SLC4A10: variants seen among roughly 807,000 people sequenced by gnomAD.
The protein encoded by SLC4A10 is sodium-driven chloride bicarbonate exchanger.
Under a neutral mutation model 137.7 loss-of-function variants are expected in SLC4A10, and 42 were observed. That is an observed-to-expected ratio of 0.30 (90% CI 0.24 to 0.39). The LOEUF is 0.39. Ranked by LOEUF, SLC4A10 falls within the 10% of genes least tolerant of loss-of-function variation. The pLI, the probability that SLC4A10 is intolerant of heterozygous loss-of-function variation, is 1.00. For synonymous variants in SLC4A10, 474 were observed against 464.1 expected (o/e 1.02, Z -0.27); for missense variants, 925 against 1,355.0 (o/e 0.68, Z 4.98).
intron 1 of SLC4A10, among the ~76,000 whole-genome samples, chr2:161,730,865 C>T (rs1240411977): frequency 6.6e-6 from 1 of 152,134 alleles, no homozygotes; most frequent in Non-Finnish European, 1.5e-5. Flanking sequence ...TGGTAAAGAG[C>T]TCTGAAGTTA....
At chr2:161,653,303 A>G (rs1344918672) in intron 1 of SLC4A10, among the ~76,000 whole-genome samples, 1 of 152,224 alleles carries the variant, frequency 6.6e-6, no homozygotes, top group Non-Finnish European at 1.5e-5. Context: ...CAGTGCTGCA[A>G]TAAACATAGT....
At chr2:161,811,516 T>C (rs1047971851) in intron 3 of SLC4A10, among the ~76,000 whole-genome samples, 8 of 152,188 alleles carry the variant, frequency 5.3e-5, no homozygotes, top group African/African-American at 1.9e-4. Flanking sequence ...GTAACCATTA[T>C]GAAGTTATGA....
At chr2:161,649,390 T>C (rs1051668522) in intron 1 of SLC4A10, among the ~76,000 whole-genome samples, 4 of 152,200 alleles carry the variant, frequency 2.6e-5, no homozygotes, top group African/African-American at 9.7e-5. Context: ...AATCTAATGA[T>C]TGAAAAACAA....
At chr2:161,729,864 T>C (rs1006057903) in intron 1 of SLC4A10, among the ~76,000 whole-genome samples, 9 of 152,252 alleles carry the variant, frequency 5.9e-5, no homozygotes, top group African/African-American at 2.2e-4. Flanking sequence ...ACTTATTTGA[T>C]TGGTGAGGCC....
At chr2:161,701,965 G>T (rs1368511955) in intron 1 of SLC4A10, among the ~76,000 whole-genome samples, 3 of 151,874 alleles carry the variant, frequency 2.0e-5, no homozygotes, top group African/African-American at 4.8e-5. Context: ...GAAATACAAA[G>T]TAGTACTGCC....
intron 1 of SLC4A10, among the ~76,000 whole-genome samples, chr2:161,697,284 T>G (rs754994094): frequency 2.0e-5 from 3 of 152,244 alleles, no homozygotes; most frequent in Admixed American, 1.3e-4. Flanking sequence ...TAGTTTCTTT[T>G]GCTGTGCAGA....
At chr2:161,977,200 A>G in intron 25 of SLC4A10, 1 of 284,380 alleles carries the variant, frequency 3.5e-6, no homozygotes, top group Non-Finnish European at 6.7e-6. Context: ...ATCTGGCCAC[A>G]TTTTGCACTC....
At chr2:161,778,967 G>A (rs1050650286) in intron 2 of SLC4A10, among the ~76,000 whole-genome samples, 11 of 152,002 alleles carry the variant, frequency 7.2e-5, no homozygotes, top group African/African-American at 2.7e-4. Flanking sequence ...TGCTATAACA[G>A]AATACCTGAG....
At chr2:161,976,914 C>A in intron 25 of SLC4A10, 38 bp downstream of exon 25, 1 of 1,114,724 alleles carries the variant, frequency 9.0e-7, no homozygotes, top group South Asian at 1.7e-5. Flanking sequence ...ATACTAATTC[C>A]AATTGTTTTT....
At chr2:161,921,974 T>C (rs1461960514) in intron 15 of SLC4A10, among the ~76,000 whole-genome samples, 1 of 152,196 alleles carries the variant, frequency 6.6e-6, no homozygotes, top group Non-Finnish European at 1.5e-5. Flanking sequence ...GGCTGCCTGC[T>C]ATGGGCCAGG....
intron 18 of SLC4A10, among the ~76,000 whole-genome samples, chr2:161,949,715 AT>A (rs934211429): frequency 2.0e-5 from 3 of 149,172 alleles, no homozygotes; most frequent in Non-Finnish European, 4.5e-5. Flanking sequence ...TTCAGAGTTC[AT>A]TTTTTTTTCA....
At chr2:161,961,611 G>A (rs927578250) in intron 21 of SLC4A10, among the ~76,000 whole-genome samples, 15 of 146,832 alleles carry the variant, frequency 1.0e-4, no homozygotes, top group Non-Finnish European at 1.9e-4. Flanking sequence ...TAAGTGAAAA[G>A]CATTTATTAT....
At chr2:161,763,785 G>A (rs2050511684) in intron 1 of SLC4A10, among the ~76,000 whole-genome samples, 1 of 152,126 alleles carries the variant, frequency 6.6e-6, no homozygotes, top group Non-Finnish European at 1.5e-5. Flanking sequence ...TAAAGAGAGA[G>A]CATGGGGAAA....
chr2:161,927,063 C>G (rs1236252126), intron 15 of SLC4A10, among the ~76,000 whole-genome samples: 1 of 152,070 alleles, frequency 6.6e-6, no homozygotes, highest in Non-Finnish European at 1.5e-5. Flanking sequence ...CGAGGAGTAT[C>G]TTTGTGGTGT....
intron 15 of SLC4A10, among the ~76,000 whole-genome samples, chr2:161,926,069 C>T (rs538966199): frequency 7.9e-5 from 12 of 151,936 alleles, no homozygotes; most frequent in African/African-American, 2.2e-4. Flanking sequence ...CTATTAGGTC[C>T]GCTTGGTGCA....
At chr2:161,675,848 C>A (rs2040221737) in intron 1 of SLC4A10, among the ~76,000 whole-genome samples, 1 of 152,140 alleles carries the variant, frequency 6.6e-6, no homozygotes, top group African/African-American at 2.4e-5. Context: ...AAAGTCATTT[C>A]AATATAAACA....
At chr2:161,699,723 A>T (rs1203985847) in intron 1 of SLC4A10, among the ~76,000 whole-genome samples, 1 of 152,218 alleles carries the variant, frequency 6.6e-6, no homozygotes, top group Non-Finnish European at 1.5e-5. Context: ...AACCAAAAGC[A>T]TGTAATCAAG....
intron 1 of SLC4A10, among the ~76,000 whole-genome samples, chr2:161,736,464 T>G (rs760118557): frequency 2.3e-4 from 35 of 152,228 alleles, no homozygotes; most frequent in Admixed American, 3.9e-4. Context: ...AGAGGCTTAA[T>G]TGACTCACAG....
At chr2:161,701,980 T>C (rs4664436) in intron 1 of SLC4A10, among the ~76,000 whole-genome samples, 141,826 of 151,976 alleles carry the variant, frequency 0.93, 66,231 homozygotes, top group East Asian at 1. Context: ...ACTGCCACTA[T>C]GGAAAATAGT....
Sources: gnomAD v4.1 joint callset for allele counts (sites outside exome capture counted in the v4.1 genomes callset) on GRCh38, gnomAD v4.1.1 for gene constraint, MANE v1.5 for transcripts, NCBI Gene and HGNC (gene_info 2026-07-23, HGNC 2026-07-21) for gene names.